TSGA10: variants seen among roughly 807,000 people sequenced by gnomAD.
The protein encoded by TSGA10 is testis-specific gene 10 protein.
In TSGA10, 43 loss-of-function variants were observed where a neutral mutation model predicts 96.6. The observed-to-expected ratio is 0.44, with a 90% CI of 0.35 to 0.57. TSGA10 has a LOEUF of 0.57. Ranked by LOEUF, TSGA10 falls within the 20% of genes least tolerant of loss-of-function variation. TSGA10 has a pLI of 0.01. For synonymous variants in TSGA10, 229 were observed against 269.9 expected, an observed-to-expected ratio of 0.85 and a Z score of 1.48; for missense variants, 703 against 834.4, an observed-to-expected ratio of 0.84 and a Z score of 1.94.
At position 99,077,127 on chromosome 2, in the gene TSGA10, C is replaced by CTTTT. The variant is rs35876721; in HGVS notation, c.882+1528_882+1531dup. 3.1e-3 allele frequency among the ~76,000 whole-genome samples: 220 copies of CTTTT among 70,476 alleles called. 35 individuals are homozygous for CTTTT. Among genetic ancestry groups the CTTTT allele is most frequent in the Non-Finnish European group, 4.7e-3 (172 of 36,216 alleles). 46.2% of individuals were successfully genotyped at this position (70,476 alleles called of 152,430 possible). ...GGCTTTGAGAAGGCGGACCATTCAC[C>CTTTT]TTTTTTTTTTTTTTTTTTTTTTTTT... On this transcript the variant is annotated intron_variant, in intron 12 of 20. Coordinates refer to ENST00000393483, the MANE Select transcript of TSGA10 (RefSeq NM_025244.4).
intron 7 of TSGA10, 126 bp from the exon 8 acceptor site, chr2:99,105,823 G>A (rs147049370): frequency 2.7e-5 from 15 of 551,352 alleles, no homozygotes; most frequent in South Asian, 1.0e-4. Flanking sequence ...TAATGGTATC[G>A]CTTTTATTTT....
chr2:99,094,146 T>C (rs1292530335), intron 10 of TSGA10, among the ~76,000 whole-genome samples: 2 of 151,908 alleles, frequency 1.3e-5, no homozygotes, highest in East Asian at 1.9e-4. Flanking sequence ...AAATATGAAG[T>C]AGGGGAAAGG....
intron 1 of TSGA10, among the ~76,000 whole-genome samples, chr2:99,152,850 A>G (rs1486215261): frequency 1.3e-5 from 2 of 152,234 alleles, no homozygotes; most frequent in Non-Finnish European, 2.9e-5. Flanking sequence ...CCTGGGGGGA[A>G]AGAGTGAGTT....
chr2:99,009,663 G>A (rs2078837801), intron 20 of TSGA10, among the ~76,000 whole-genome samples: 1 of 151,950 alleles, frequency 6.6e-6, no homozygotes. Flanking sequence ...TGCATTCTGG[G>A]ATTGAGCAAA....
At chr2:99,033,625 G>T (rs186787855) in intron 17 of TSGA10, among the ~76,000 whole-genome samples, 1 of 152,226 alleles carries the variant, frequency 6.6e-6, no homozygotes, top group African/African-American at 2.4e-5. Flanking sequence ...CAGATCACTT[G>T]AGGTCAGGAG....
chr2:99,010,386 A>G (rs932300241), intron 20 of TSGA10, among the ~76,000 whole-genome samples: 1 of 152,250 alleles, frequency 6.6e-6, no homozygotes, highest in Non-Finnish European at 1.5e-5. Context: ...GCTGCTGCCA[A>G]TTCCATGAAA....
Position 99,018,369 on chromosome 2 carries a change from CT to C in TSGA10, c.1923-21del. 2 of 1,607,272 alleles carry C rather than the reference CT, an allele frequency of 1.2e-6. No individual in the cohort carries two copies. The highest frequency in any genetic ancestry group is 1.7e-6 in the Non-Finnish European group (2 of 1,176,096). ...CTCTCCCTAAAGCAAAATAGTGATG[CT>C]TTAAATTTTATATCCAGCAAAATTA... On this transcript the variant is annotated intron_variant, in intron 19 of 20. Coordinates refer to ENST00000393483, the MANE Select transcript of TSGA10 (RefSeq NM_025244.4).
At chr2:99,034,271 G>A (rs748523336) in intron 17 of TSGA10, among the ~76,000 whole-genome samples, 9 of 151,762 alleles carry the variant, frequency 5.9e-5, no homozygotes, top group Admixed American at 2.0e-4. Flanking sequence ...GTGTGGTGGC[G>A]GGCACCTGTA....
chr2:99,056,074 G>A (rs548366949), intron 16 of TSGA10, among the ~76,000 whole-genome samples: 18 of 151,798 alleles, frequency 1.2e-4, no homozygotes, highest in African/African-American at 4.3e-4. Context: ...GCGTGGTGGT[G>A]GGCACCTGTA....
At chr2:99,119,156 A>G (rs2092441816) in intron 2 of TSGA10, among the ~76,000 whole-genome samples, 1 of 152,220 alleles carries the variant, frequency 6.6e-6, no homozygotes, top group Non-Finnish European at 1.5e-5. Flanking sequence ...TGTCTTCAAA[A>G]AAACTTTATA....
intron 10 of TSGA10, among the ~76,000 whole-genome samples, chr2:99,088,822 G>A (rs1206184615): frequency 2.6e-5 from 4 of 152,184 alleles, no homozygotes; most frequent in African/African-American, 4.8e-5. Context: ...AAAGCATGTG[G>A]TTTATCTATA....
intron 20 of TSGA10, among the ~76,000 whole-genome samples, chr2:99,014,296 C>T (rs1347140144): frequency 6.6e-6 from 1 of 152,018 alleles, no homozygotes; most frequent in Non-Finnish European, 1.5e-5. Flanking sequence ...GATCATGCCA[C>T]TGCACTCCAG....
chr2:99,015,906 A>G (rs1394968297), intron 20 of TSGA10, among the ~76,000 whole-genome samples: 1 of 152,086 alleles, frequency 6.6e-6, no homozygotes, highest in African/African-American at 2.4e-5. Flanking sequence ...GCAGCAAAAA[A>G]CAAACAAACA....
At chr2:99,150,564 A>G in intron 1 of TSGA10, 1 of 1,613,260 alleles carries the variant, frequency 6.2e-7, no homozygotes, top group Non-Finnish European at 8.5e-7. Flanking sequence ...TCCTAATGGG[A>G]TTTTCACTTA....
At chr2:99,128,668 C>T (rs2092940422) in intron 1 of TSGA10, among the ~76,000 whole-genome samples, 2 of 152,146 alleles carry the variant, frequency 1.3e-5, no homozygotes, top group African/African-American at 4.8e-5. Context: ...AAGTCTAAAC[C>T]CATCCAATAT....
intron 16 of TSGA10, among the ~76,000 whole-genome samples, chr2:99,051,625 A>C (rs1439790424): frequency 6.6e-6 from 1 of 152,096 alleles, no homozygotes; most frequent in Non-Finnish European, 1.5e-5. Context: ...TTATAAACCA[A>C]TCAGGCCTAG....
At chr2:99,074,351 C>CGTGTGTGTGTGTGTGTGTGTGTGT (rs147220063) in intron 12 of TSGA10, among the ~76,000 whole-genome samples, 5 of 145,138 alleles carry the variant, frequency 3.4e-5, no homozygotes, top group Admixed American at 2.1e-4. Context: ...CACATATTTG[C>CGTGTGTGTGTGTGTGTGTGTGTGT]GTGTGTGTGT....
rs1171312084 is a variant in TSGA10, at chr2:99,009,378, T to C, written c.2072+8822A>G. The stretch of plus-strand genomic sequence containing the variant: ...CCTGTTCAGGAGATCGAGACCATCC[T>C]GGCTAACACGGTGAAAACCCCGTCT... On this transcript the variant is annotated intron_variant, in intron 20 of 20. Coordinates refer to ENST00000393483, the MANE Select transcript of TSGA10 (RefSeq NM_025244.4). Among the ~76,000 whole-genome samples the C allele has an allele frequency of 6.6e-5, 10 of 151,974 alleles. No individual in the cohort carries two copies. In the East Asian group the frequency reaches 9.7e-4, roughly 15 times the overall value.
At chr2:99,028,409 G>C (rs1291978518) in intron 17 of TSGA10, among the ~76,000 whole-genome samples, 1 of 152,112 alleles carries the variant, frequency 6.6e-6, no homozygotes, top group East Asian at 1.9e-4. Context: ...TAGAATGATT[G>C]CCACAATTAA....
Sources: gnomAD v4.1 joint callset for allele counts (sites outside exome capture counted in the v4.1 genomes callset) on GRCh38, gnomAD v4.1.1 for gene constraint, MANE v1.5 for transcripts, NCBI Gene and HGNC (gene_info 2026-07-23, HGNC 2026-07-21) for gene names.